Variants in ADAMTS2 observed in about 807,000 individuals in gnomAD.
ADAMTS2 encodes the protein ADAM metallopeptidase with thrombospondin type 1 motif 2.
Under a neutral mutation model 123.0 loss-of-function variants are expected in ADAMTS2, and 50 were observed. The ratio of observed to expected loss-of-function variants is 0.41; its 90% CI spans 0.32 to 0.51. The LOEUF (loss-of-function observed/expected upper bound fraction) is 0.51. Among genes scored for constraint, ADAMTS2 ranks in the 20% least tolerant of loss-of-function variants. The pLI, the probability that ADAMTS2 is intolerant of heterozygous loss-of-function variation, is 0.35. For missense variants in ADAMTS2, 1,494 were observed against 1,705.2 expected, an observed-to-expected ratio of 0.88 and a Z score of 2.18; for synonymous variants, 678 against 695.4, an observed-to-expected ratio of 0.98 and a Z score of 0.39.
intron 3 of ADAMTS2, 65 bp from the exon 4 acceptor site, chr5:179,207,780 G>T (rs1209738916): frequency 4.2e-6 from 6 of 1,416,234 alleles, no homozygotes; most frequent in Non-Finnish European, 5.9e-6. Context: ...CCTACCAGGC[G>T]CCAGCTTGGC....
At chr5:179,219,903 C>T (rs1362066992) in intron 3 of ADAMTS2, among the ~76,000 whole-genome samples, 1 of 152,238 alleles carries the variant, frequency 6.6e-6, no homozygotes, top group Non-Finnish European at 1.5e-5. Flanking sequence ...TCTCCAGCGG[C>T]CTCTGCAGCC....
At chr5:179,321,720 G>A (rs1757185834) in intron 2 of ADAMTS2, among the ~76,000 whole-genome samples, 1 of 141,508 alleles carries the variant, frequency 7.1e-6, no homozygotes, top group Non-Finnish European at 1.5e-5. Context: ...CCTGCACCTA[G>A]GACCTGCATT....
chr5:179,120,127 G>A (rs1193926131), intron 21 of ADAMTS2: 2 of 152,044 alleles, frequency 1.3e-5, no homozygotes, highest in East Asian at 3.9e-4. Flanking sequence ...TCAGTGTCTG[G>A]GCCCCCAAAA....
At chr5:179,157,218 G>T (rs995932484) in intron 6 of ADAMTS2, among the ~76,000 whole-genome samples, 11 of 152,214 alleles carry the variant, frequency 7.2e-5, no homozygotes, top group South Asian at 6.2e-4. Context: ...CCAAAGTGCT[G>T]GGATTACAGG....
chr5:179,332,999 T>C lies in ADAMTS2; in HGVS notation c.534+10768A>G, dbSNP rs773284376. On this transcript the variant is annotated intron_variant, in intron 2 of 21. Coordinates refer to ENST00000251582, the MANE Select transcript of ADAMTS2 (RefSeq NM_014244.5). The surrounding 1 kb of genome is among the most constrained non-coding windows in gnomAD (Gnocchi z 4.2). ...CACCCCCTTATCCTGCCCGCTTGCC[T>C]GTGAGGACCCCTCCCTACTGTGTGG... Among the ~76,000 whole-genome samples, 15 of 152,186 alleles carry C rather than the reference T, an allele frequency of 9.9e-5. No individual in the cohort carries two copies. Among genetic ancestry groups the C allele is most frequent in the Admixed American group, 6.5e-4 (10 of 15,282 alleles).
At chr5:179,224,934 G>C (rs2113415547) in intron 3 of ADAMTS2, among the ~76,000 whole-genome samples, 1 of 152,254 alleles carries the variant, frequency 6.6e-6, no homozygotes, top group Middle Eastern at 3.4e-3. Flanking sequence ...GAGAGGTTTT[G>C]AGCACAGTAG....
intron 3 of ADAMTS2, among the ~76,000 whole-genome samples, chr5:179,259,135 A>G (rs1364338914): frequency 6.6e-6 from 1 of 152,036 alleles, no homozygotes; most frequent in African/African-American, 2.4e-5. Context: ...TCTGACCTCC[A>G]GTCCCCTCAG....
At chr5:179,301,153 G>GAA (rs60799579) in intron 2 of ADAMTS2, among the ~76,000 whole-genome samples, 4 of 122,842 alleles carry the variant, frequency 3.3e-5, no homozygotes, top group Non-Finnish European at 3.5e-5. Flanking sequence ...TGTCCCCCAG[G>GAA]AAAAAAAAAA....
At chr5:179,298,585 G>A (rs575443352) in intron 2 of ADAMTS2, among the ~76,000 whole-genome samples, 12 of 152,270 alleles carry the variant, frequency 7.9e-5, no homozygotes, top group African/African-American at 2.6e-4. Context: ...CAGCCTGAAC[G>A]GAGGGACACC....
chr5:179,291,573 C>T (rs1390474442), intron 2 of ADAMTS2, among the ~76,000 whole-genome samples: 1 of 152,136 alleles, frequency 6.6e-6, no homozygotes, highest in Non-Finnish European at 1.5e-5. Context: ...CTTCTCTTGT[C>T]ATTCTGCCTG....
At chr5:179,223,747 ATG>A (rs1263537666) in intron 3 of ADAMTS2, among the ~76,000 whole-genome samples, 1 of 152,002 alleles carries the variant, frequency 6.6e-6, no homozygotes, top group Non-Finnish European at 1.5e-5. Flanking sequence ...ATGTGAGTGT[ATG>A]TGAGTGCATG....
rs892702876 is a variant in ADAMTS2 at position 179,175,054 on chromosome 5, T to C, written c.975+6018A>G. 8.6e-4 allele frequency among the ~76,000 whole-genome samples: 128 copies of C among 149,098 alleles called. No individual in the cohort carries two copies. The highest frequency in any genetic ancestry group is 3.0e-3 in the African/African-American group (119 of 39,634). On this transcript the variant is annotated intron_variant, in intron 5 of 21. Coordinates refer to ENST00000251582, the MANE Select transcript of ADAMTS2 (RefSeq NM_014244.5). This position sits in a 1 kb window ranked among gnomAD's most constrained non-coding sequence, Gnocchi z 4.1. ...AGCTGTCTCAGCCATTCTTGACCGT[T>C]CATGTTCCTTTGGAGGAAGTCTCTT...
rs185021315 is a variant in ADAMTS2, at chr5:179,117,639, G to A, written c.3179-3315C>T. Reference sequence around the variant, plus strand: ...GTGATCTTGGCTCACTGCAACCTCCGCCTCCTGGGTTCAAGAGCCTCCCGA... The same window carrying A: ...GTGATCTTGGCTCACTGCAACCTCCACCTCCTGGGTTCAAGAGCCTCCCGA... On this transcript the variant is annotated intron_variant, in intron 21 of 21. Transcript: ENST00000251582. This position sits in a 1 kb window ranked among gnomAD's most constrained non-coding sequence, Gnocchi z 4.2. 2.0e-3 allele frequency among the ~76,000 whole-genome samples: 295 copies of A among 150,244 alleles called. 1 individual carries two copies. Among genetic ancestry groups the A allele is most frequent in the Middle Eastern group, 0.014 (4 of 288 alleles).
chr5:179,126,660 A>C (rs1762864490), intron 17 of ADAMTS2, among the ~76,000 whole-genome samples: 1 of 152,170 alleles, frequency 6.6e-6, no homozygotes, highest in Non-Finnish European at 1.5e-5. Context: ...TTGACACCCC[A>C]CCGTGCACAG....
Position 179,308,045 on chromosome 5 carries a change from C to A in ADAMTS2, c.535-34981G>T, listed in dbSNP as rs185301716. On this transcript the variant is annotated intron_variant, in intron 2 of 21. Coordinates refer to ENST00000251582, the MANE Select transcript of ADAMTS2 (RefSeq NM_014244.5). The surrounding 1 kb of genome is among the most constrained non-coding windows in gnomAD (Gnocchi z 6.6). ...GAGTACGGGAGGTCGCCGGCCCTCC[C>A]GAGGCTCCCTTCCCCTACTTCAGGA... Among the ~76,000 whole-genome samples the A allele has an allele frequency of 1.3e-5, 2 of 152,158 alleles. No individual in the cohort carries two copies. The highest frequency in any genetic ancestry group is 4.8e-5 in the African/African-American group (2 of 41,430).
At chr5:179,268,291 T>C (rs77299320) in intron 3 of ADAMTS2, among the ~76,000 whole-genome samples, 157 of 152,312 alleles carry the variant, frequency 1.0e-3, no homozygotes, top group African/African-American at 3.5e-3. Flanking sequence ...TTAGTGGAGA[T>C]GTATTCTTGG....
At chr5:179,319,786 C>T (rs991452440) in intron 2 of ADAMTS2, among the ~76,000 whole-genome samples, 1 of 152,094 alleles carries the variant, frequency 6.6e-6, no homozygotes, top group African/African-American at 2.4e-5. Flanking sequence ...AGCATGCGTG[C>T]AGACTGGACT....
intron 2 of ADAMTS2, among the ~76,000 whole-genome samples, chr5:179,325,739 G>A (rs1041313799): frequency 1.3e-5 from 2 of 152,382 alleles, no homozygotes; most frequent in Middle Eastern, 3.4e-3. Context: ...AGCTGAAACC[G>A]TGCGGGAGGC....
chr5:179,232,419 A>T (rs557588741), intron 3 of ADAMTS2, among the ~76,000 whole-genome samples: 1 of 152,152 alleles, frequency 6.6e-6, no homozygotes, highest in Non-Finnish European at 1.5e-5. Flanking sequence ...GCTTATCTTC[A>T]TTCTGCAGAT....
Sources: gnomAD v4.1 joint callset for allele counts (sites outside exome capture counted in the v4.1 genomes callset) on GRCh38, gnomAD v4.1.1 for gene constraint, Gnocchi (gnomAD v3.1) non-coding constraint, MANE v1.5 for transcripts, NCBI Gene and HGNC (gene_info 2026-07-23, HGNC 2026-07-21) for gene names.